PGLYRP4: variants seen among roughly 807,000 people sequenced by gnomAD.
The protein encoded by PGLYRP4 is PGRP-I-beta.
A neutral mutation model predicts 41.2 loss-of-function variants in PGLYRP4; 39 were observed. The ratio of observed to expected loss-of-function variants is 0.95; its 90% CI spans 0.73 to 1.24. The LOEUF (loss-of-function observed/expected upper bound fraction) is 1.24. PGLYRP4 is among the 50% of genes most tolerant of loss of function. The pLI, the probability that PGLYRP4 is intolerant of heterozygous loss-of-function variation, is 0.00. For synonymous variants in PGLYRP4, 202 were observed against 186.8 expected, an observed-to-expected ratio of 1.08 and a Z score of -0.66; for missense variants, 467 against 460.7, an observed-to-expected ratio of 1.01 and a Z score of -0.13.
intron 2 of PGLYRP4, 46 bp downstream of exon 2, chr1:153,347,838 G>A (rs1237336816): frequency 6.5e-6 from 9 of 1,394,288 alleles, no homozygotes; most frequent in Non-Finnish European, 9.2e-6. Context: ...GAGACTTTAG[G>A]ATCACCCTTC....
In PGLYRP4 at chr1:153,337,173, C is replaced by T; in HGVS notation, c.943+8G>A. 1.3e-6 allele frequency: 2 copies of T among 1,564,854 alleles called. No individual in the cohort carries two copies. Among genetic ancestry groups the T allele is most frequent in the Non-Finnish European group, 1.8e-6 (2 of 1,135,300 alleles). ...GCAATGACCCTACTGACCAAAGCAT[C>T]CACTTACCTGTGAAGGTGCCCATGA... On this transcript the variant is annotated splice_region_variant and intron_variant, in intron 8 of 8. Transcript: ENST00000359650.
At chr1:153,346,070 CA>C in intron 3 of PGLYRP4, 31 bp downstream of exon 3, 1 of 1,528,786 alleles carries the variant, frequency 6.5e-7, no homozygotes, top group Non-Finnish European at 9.1e-7. Context: ...CAGCTCGTCC[CA>C]AAACCCCCTT....
intron 8 of PGLYRP4, among the ~76,000 whole-genome samples, chr1:153,335,442 TCAA>T (rs1159975138): frequency 6.6e-6 from 1 of 152,136 alleles, no homozygotes; most frequent in Non-Finnish European, 1.5e-5. Context: ...GAAAAAATGC[TCAA>T]CATTACTAAT....
chr1:153,340,753 C>T (rs920093853), intron 6 of PGLYRP4, among the ~76,000 whole-genome samples, 174 bp from the exon 7 acceptor site: 1 of 150,964 alleles, frequency 6.6e-6, no homozygotes, highest in Non-Finnish European at 1.5e-5. Flanking sequence ...CAGACAGTGT[C>T]CCGCAGTGGG....
Position 153,346,114 on chromosome 1 carries a change from G to T in PGLYRP4, c.127C>A (p.Leu43Ile), listed in dbSNP as rs778485248. ...AGATCCAGTTTACCTTTTTCAGTGA[G>T]CTGGGAGATGTTCTCAAATAGGTAC... ...LQYLFENISQ[L>I]TEKGLPTDVS... The change falls in exon 3 of 9, where the codon CTC (leucine) becomes ATC (isoleucine). Residue 43 changes from leucine (L) to isoleucine (I), a missense_variant. Transcript: ENST00000359650. 2.8e-5 allele frequency: 45 copies of T among 1,611,714 alleles called. No individual in the cohort carries two copies. Among genetic ancestry groups the T allele is most frequent in the Non-Finnish European group, 3.7e-5 (44 of 1,177,954 alleles).
intron 3 of PGLYRP4, among the ~76,000 whole-genome samples, chr1:153,345,752 G>A (rs532857738): frequency 1.6e-4 from 24 of 152,284 alleles, no homozygotes; most frequent in African/African-American, 3.6e-4. Flanking sequence ...TTTCCTCTGC[G>A]GTTCTGAGTG....
At chr1:153,336,594 G>C (rs1660575376) in intron 8 of PGLYRP4, among the ~76,000 whole-genome samples, 2 of 152,132 alleles carry the variant, frequency 1.3e-5, no homozygotes, top group Admixed American at 6.5e-5. Context: ...GGGAAGGTGA[G>C]AGCAGGATTA....
intron 7 of PGLYRP4, 53 bp downstream of exon 7, chr1:153,340,328 C>T (rs1483237798): frequency 6.6e-7 from 1 of 1,516,886 alleles, no homozygotes; most frequent in Non-Finnish European, 9.1e-7. Flanking sequence ...CTTTCAAAGG[C>T]TCAGTTTCTG....
chr1:153,346,280 C>T, intron 2 of PGLYRP4, 89 bp from the exon 3 acceptor site: 1 of 941,610 alleles, frequency 1.1e-6, no homozygotes, highest in Non-Finnish European at 1.7e-6. Context: ...GCCATCCCCT[C>T]TCCACTGCCC....
chr1:153,344,082 CAA>C lies in PGLYRP4; in HGVS notation c.354-876_354-875del, dbSNP rs1660907345. 3.3e-5 allele frequency among the ~76,000 whole-genome samples: 5 copies of C among 152,304 alleles called. No homozygotes were observed. In the South Asian group the frequency reaches 1.0e-3, roughly 32 times the overall value. On this transcript the variant is annotated intron_variant, in intron 4 of 8. Transcript: ENST00000359650. The stretch of plus-strand genomic sequence containing the variant: ...AACTGTCCCTCCCAGATAAGCACGA[CAA>C]AGACACAGAAGCAGTCCAAGCCTCT...
chr1:153,341,712 G>T lies in PGLYRP4; in HGVS notation c.540C>A (p.Gly180=). 1 of 1,613,954 alleles carries T rather than the reference G, an allele frequency of 6.2e-7. No individual in the cohort carries two copies. Among genetic ancestry groups the T allele is most frequent in the Non-Finnish European group, 8.5e-7 (1 of 1,179,936 alleles). ...GCTGAACATAACTGGATGACAGGTGGCCCTTCTGGACAGCATAGGTGATTA... is the reference window on the plus strand; with the variant it reads ...GCTGAACATAACTGGATGACAGGTGTCCCTTCTGGACAGCATAGGTGATTA... ...ENLITYAVQK[G]HLSSSYVQPL... is the part of the protein sequence containing the mutation. The change falls in exon 6 of 9, where the codon GGC becomes GGA. Residue 180 remains glycine (G), a synonymous_variant. Transcript: ENST00000359650.
At chr1:153,342,280 A>G (rs1660833044) in intron 5 of PGLYRP4, among the ~76,000 whole-genome samples, 1 of 152,200 alleles carries the variant, frequency 6.6e-6, no homozygotes, top group Admixed American at 6.5e-5. Context: ...AAAAGCAAAA[A>G]CAAGATAAAC....
chr1:153,345,409 C>A (rs1196657525), intron 3 of PGLYRP4, 27 bp from the exon 4 acceptor site: 2 of 1,592,124 alleles, frequency 1.3e-6, no homozygotes, highest in African/African-American at 1.3e-5. Context: ...AGCGCACCTG[C>A]CCCATCACTA....
In PGLYRP4 at chr1:153,345,288, G is replaced by A. The variant is rs1473499881; in HGVS notation, c.234C>T (p.Val78=). ...CSIQLTTPVN[V]LVIHHVPGLE... ...GTCCAGGGACATGGTGTATAACAAGGACATTCACTGGCGTGGTCAGCTGAA... is the reference window on the plus strand; with the variant it reads ...GTCCAGGGACATGGTGTATAACAAGAACATTCACTGGCGTGGTCAGCTGAA... The change falls in exon 4 of 9, where the codon GTC becomes GTT. Residue 78 remains valine, a synonymous_variant. Transcript: ENST00000359650. 1 of 1,614,168 alleles carries A rather than the reference G, an allele frequency of 6.2e-7. No individual in the cohort carries two copies. The highest frequency in any genetic ancestry group is 1.7e-5 in the Admixed American group (1 of 60,028).
rs2101542718 is a variant in PGLYRP4, at chr1:153,330,391, T to G, written c.*376A>C. The G allele has an allele frequency of 6.0e-6, 1 of 167,956 alleles. No homozygotes were observed. The highest frequency in any genetic ancestry group is 1.3e-5 in the Non-Finnish European group (1 of 77,194). The allele number at this position is 167,956 out of a possible 1,614,324, so 10.4% of individuals were successfully genotyped here. A position where few individuals can be genotyped will look rare whatever the true frequency, so the allele number is the denominator to read the frequency against. ...TGAGTTATGGGTGAGGGGTGATAGG[T>G]GGGAGGTGGGGGCTGCCAGGCAGAC... On this transcript the variant is annotated 3_prime_UTR_variant, in exon 9 of 9. Coordinates refer to ENST00000359650, the MANE Select transcript of PGLYRP4 (RefSeq NM_020393.4).
In PGLYRP4 at chr1:153,347,968, T is replaced by C. The variant is rs1347995176; in HGVS notation, c.-36A>G. The C allele has an allele frequency of 6.4e-7, 1 of 1,567,954 alleles. No homozygotes were observed. The highest frequency in any genetic ancestry group is 1.1e-5 in the South Asian group (1 of 89,702). ...TCCCAGGACACCAATCTGGAGAGTG[T>C]GGATGGCAGCCTGAGAGAGACGCTG... On this transcript the variant is annotated 5_prime_UTR_variant, in exon 2 of 9. Coordinates refer to ENST00000359650, the MANE Select transcript of PGLYRP4 (RefSeq NM_020393.4).
At chr1:153,342,575 G>A (rs1660844183) in intron 5 of PGLYRP4, among the ~76,000 whole-genome samples, 1 of 152,240 alleles carries the variant, frequency 6.6e-6, no homozygotes, top group Non-Finnish European at 1.5e-5. Context: ...GATGCATGTG[G>A]CAAGGGGCCT....
At position 153,330,729 on chromosome 1, in the gene PGLYRP4, G is replaced by C; in HGVS notation, c.*38C>G. The C allele has an allele frequency of 6.3e-7, 1 of 1,578,906 alleles. No individual in the cohort carries two copies. Among genetic ancestry groups the C allele is most frequent in the Non-Finnish European group, 8.7e-7 (1 of 1,152,134 alleles). ...GGTTAGGACAGGAGAGACCTGACAG[G>C]GGAGGGAAAGCAGTCTCAGAAGGAC... On this transcript the variant is annotated 3_prime_UTR_variant, in exon 9 of 9. Transcript: ENST00000359650.
At chr1:153,342,974 G>T in intron 5 of PGLYRP4, 116 bp downstream of exon 5, 1 of 525,906 alleles carries the variant, frequency 1.9e-6, no homozygotes, top group Non-Finnish European at 3.3e-6. Context: ...TGGGTCTTCA[G>T]AGAAGTATGA....
Sources: gnomAD v4.1 joint callset for allele counts (sites outside exome capture counted in the v4.1 genomes callset) on GRCh38, gnomAD v4.1.1 for gene constraint, MANE v1.5 for transcripts, NCBI Gene and HGNC (gene_info 2026-07-23, HGNC 2026-07-21) for gene names.